Variants in PTPRN2 observed in about 807,000 individuals in gnomAD.
PTPRN2 encodes the protein protein tyrosine phosphatase receptor type N2.
PTPRN2 carries 74 observed loss-of-function variants against 118.8 expected under a neutral mutation model. That is an observed-to-expected ratio of 0.62 (90% confidence interval 0.52 to 0.76). The LOEUF (loss-of-function observed/expected upper bound fraction) is 0.76, where lower values mean the gene tolerates loss of function less well. Ranked by LOEUF, PTPRN2 falls within the 30% of genes least tolerant of loss-of-function variation. PTPRN2 has a pLI of 0.00. For synonymous variants in PTPRN2, 641 were observed against 608.0 expected, an observed-to-expected ratio of 1.05 and a Z score of -0.80; for missense variants, 1,481 against 1,394.4, an observed-to-expected ratio of 1.06 and a Z score of -0.99.
chr7:158,203,449 T>A lies in PTPRN2; in HGVS notation c.380+1722A>T, dbSNP rs115982742. Among the ~76,000 whole-genome samples, 666 of 152,272 alleles carry A rather than the reference T, an allele frequency of 4.4e-3. 5 individuals are homozygous for A. The highest frequency in any genetic ancestry group is 0.015 in the African/African-American group (639 of 41,554). On this transcript the variant is annotated intron_variant, in intron 4 of 22. Transcript: ENST00000389418. ...CTGGCAATTTTTCCAAATGACCACATTTAACGTTGTTTAGAAGGCACAATC... is the reference window on the plus strand; with the variant it reads ...CTGGCAATTTTTCCAAATGACCACAATTAACGTTGTTTAGAAGGCACAATC...
intron 10 of PTPRN2, among the ~76,000 whole-genome samples, chr7:158,094,424 C>T (rs968317750): frequency 6.6e-6 from 1 of 152,200 alleles, no homozygotes; most frequent in Non-Finnish European, 1.5e-5. Flanking sequence ...ATTCTCCTGC[C>T]TCAGCCTCCC....
chr7:157,884,605 C>T (rs988130627), intron 12 of PTPRN2, among the ~76,000 whole-genome samples: 3 of 152,178 alleles, frequency 2.0e-5, no homozygotes, highest in Non-Finnish European at 4.4e-5. Context: ...ACTCACAGTT[C>T]CACGTGGTTT....
chr7:157,875,495 G>A (rs1393362323), intron 12 of PTPRN2, among the ~76,000 whole-genome samples: 3 of 152,192 alleles, frequency 2.0e-5, no homozygotes, highest in African/African-American at 7.2e-5. Context: ...AGTCATTGCC[G>A]GGAACTTCAC....
At chr7:158,467,525 G>A (rs1009072527) in intron 2 of PTPRN2, among the ~76,000 whole-genome samples, 1 of 152,026 alleles carries the variant, frequency 6.6e-6, no homozygotes, top group African/African-American at 2.4e-5. Flanking sequence ...ACTTCTTGCC[G>A]AGACCAATGT....
chr7:157,773,069 G>A (rs1802983769), intron 12 of PTPRN2, among the ~76,000 whole-genome samples: 1 of 152,204 alleles, frequency 6.6e-6, no homozygotes, highest in African/African-American at 2.4e-5. Context: ...AAGGTGCCTT[G>A]CACAGATGTC....
At position 157,803,351 on chromosome 7, in the gene PTPRN2, C is replaced by A. The variant is rs897660999; in HGVS notation, c.1788+95322G>T. On this transcript the variant is annotated intron_variant, in intron 12 of 22. Coordinates refer to ENST00000389418, the MANE Select transcript of PTPRN2 (RefSeq NM_002847.5). ...GGTGACCAGTAGGGGATGCAGAGAC[C>A]ACACACCCACCACTCACCCTACCTT... is the stretch of plus-strand genomic sequence containing the variant. Among the ~76,000 whole-genome samples, 3 of 152,160 alleles carry A rather than the reference C, an allele frequency of 2.0e-5. No individual in the cohort carries two copies. In the East Asian group the frequency reaches 5.8e-4, roughly 29 times the overall value.
intron 2 of PTPRN2, among the ~76,000 whole-genome samples, chr7:158,337,573 G>T (rs1380636950): frequency 4.3e-4 from 54 of 126,386 alleles, no homozygotes; most frequent in African/African-American, 1.5e-3. Context: ...ACCATAATTG[G>T]TGACACCTGC....
At chr7:158,217,405 A>C (rs1016488013) in intron 3 of PTPRN2, among the ~76,000 whole-genome samples, 1 of 152,222 alleles carries the variant, frequency 6.6e-6, no homozygotes, top group Non-Finnish European at 1.5e-5. Flanking sequence ...TATCCAACTT[A>C]CACAACAGCA....
At chr7:158,358,738 G>GC (rs1808588057) in intron 2 of PTPRN2, among the ~76,000 whole-genome samples, 1 of 152,220 alleles carries the variant, frequency 6.6e-6, no homozygotes, top group South Asian at 2.1e-4. Flanking sequence ...CTGATACGTG[G>GC]CCCCCAGATG....
intron 3 of PTPRN2, among the ~76,000 whole-genome samples, chr7:158,308,953 C>T (rs1193349440): frequency 6.6e-6 from 1 of 151,914 alleles, no homozygotes; most frequent in East Asian, 1.9e-4. Context: ...TTGAATATGC[C>T]TATAATAATT....
rs1338805114 is a variant in PTPRN2, at chr7:158,509,147, G to C, written c.113-19362C>G. Reference sequence around the variant, plus strand: ...CAGAAGGATGAGCTTCTGTTGAAGAGAGAGGCGCCACACACAGCCTCCACG... The same window carrying C: ...CAGAAGGATGAGCTTCTGTTGAAGACAGAGGCGCCACACACAGCCTCCACG... On this transcript the variant is annotated intron_variant, in intron 1 of 22. Coordinates refer to ENST00000389418, the MANE Select transcript of PTPRN2 (RefSeq NM_002847.5). This position sits in a 1 kb window ranked among gnomAD's most constrained non-coding sequence, Gnocchi z 4.4. 1.3e-5 allele frequency among the ~76,000 whole-genome samples: 2 copies of C among 152,132 alleles called. No homozygotes were observed. Among genetic ancestry groups the C allele is most frequent in the Admixed American group, 1.3e-4 (2 of 15,274 alleles).
chr7:158,193,698 C>T lies in PTPRN2; in HGVS notation c.381-1203G>A, dbSNP rs6968048. Among the ~76,000 whole-genome samples the T allele has an allele frequency of 8.9e-3, 1,358 of 152,142 alleles. 24 individuals carry two copies. Among genetic ancestry groups the T allele is most frequent in the African/African-American group, 0.031 (1,282 of 41,508 alleles). ...TGCCCAGCTCACCCGCAGACTCTGC[C>T]GCTGGTCTCTGCACCCAGGACTCAG... On this transcript the variant is annotated intron_variant, in intron 4 of 22. Coordinates refer to ENST00000389418, the MANE Select transcript of PTPRN2 (RefSeq NM_002847.5).
chr7:157,650,364 T>C (rs567864933), intron 14 of PTPRN2, among the ~76,000 whole-genome samples: 3 of 152,288 alleles, frequency 2.0e-5, no homozygotes, highest in East Asian at 3.9e-4. Flanking sequence ...TGCCACGCAG[T>C]CCTCAATGGT....
At chr7:158,194,144 AGT>A (rs967476197) in intron 4 of PTPRN2, among the ~76,000 whole-genome samples, 10 of 145,996 alleles carry the variant, frequency 6.8e-5, no homozygotes, top group Admixed American at 4.0e-4. Context: ...AGTTTGTGTA[AGT>A]GTGTGTGTGA....
intron 21 of PTPRN2, among the ~76,000 whole-genome samples, chr7:157,551,538 C>A (rs1279068280): frequency 6.9e-6 from 1 of 145,046 alleles, no homozygotes; most frequent in Non-Finnish European, 1.5e-5. Flanking sequence ...ACCCCACACA[C>A]CCCACAGCCA....
At chr7:158,011,764 C>T (rs1400503379) in intron 11 of PTPRN2, among the ~76,000 whole-genome samples, 2 of 152,128 alleles carry the variant, frequency 1.3e-5, no homozygotes, top group Admixed American at 6.5e-5. Context: ...GGAGTTCCCT[C>T]GGACCCACAG....
chr7:158,414,460 G>C (rs1188536359), intron 2 of PTPRN2, among the ~76,000 whole-genome samples: 1 of 123,678 alleles, frequency 8.1e-6, no homozygotes, highest in Non-Finnish European at 1.9e-5. Context: ...CCATCCTCCT[G>C]GACCAGATTT....
chr7:158,057,577 G>A (rs1173370893), intron 11 of PTPRN2, among the ~76,000 whole-genome samples: 1 of 152,190 alleles, frequency 6.6e-6, no homozygotes, highest in African/African-American at 2.4e-5. Flanking sequence ...GTGGCACTGT[G>A]GCCTGGAGTG....
intron 11 of PTPRN2, among the ~76,000 whole-genome samples, chr7:158,007,747 TGTGGCTGTGCTATGTGTGAGGGTGTGC>T (rs1336731900): frequency 1.3e-5 from 2 of 151,958 alleles, no homozygotes; most frequent in Non-Finnish European, 2.9e-5. Flanking sequence ...TGAGGGTGTG[TGTGGCTGTGCTATGTGTGAGGGTGTGC>T]TGTGTGTGGC....
Sources: gnomAD v4.1 joint callset for allele counts (sites outside exome capture counted in the v4.1 genomes callset) on GRCh38, gnomAD v4.1.1 for gene constraint, Gnocchi (gnomAD v3.1) non-coding constraint, MANE v1.5 for transcripts, NCBI Gene and HGNC (gene_info 2026-07-23, HGNC 2026-07-21) for gene names.